The following MACROD2 variants were observed in gnomAD, a reference collection of about 807,000 sequenced individuals.
MACROD2 encodes ADP-ribose glycohydrolase MACROD2.
In MACROD2, 36 loss-of-function variants were observed where a neutral mutation model predicts 70.4. The ratio of observed to expected loss-of-function variants is 0.51; its 90% CI spans 0.39 to 0.68. The LOEUF is 0.68. Ranked by LOEUF, MACROD2 falls within the 30% of genes least tolerant of loss-of-function variation. The pLI, the probability that MACROD2 is intolerant of heterozygous loss-of-function variation, is 0.00. For missense variants in MACROD2, 496 were observed against 538.4 expected (o/e 0.92, Z 0.78); for synonymous variants, 172 against 178.8 (o/e 0.96, Z 0.30).
At chr20:15,117,944 TTTTG>T (rs1163551008) in intron 5 of MACROD2, among the ~76,000 whole-genome samples, 3 of 152,094 alleles carry the variant, frequency 2.0e-5, no homozygotes, top group Non-Finnish European at 2.9e-5. Context: ...AGTCAATGTT[TTTTG>T]TTTGTTTGTT....
At chr20:14,866,211 T>C (rs978703061) in intron 5 of MACROD2, among the ~76,000 whole-genome samples, 1 of 152,170 alleles carries the variant, frequency 6.6e-6, no homozygotes, top group Non-Finnish European at 1.5e-5. Context: ...TAAGTTATCC[T>C]TCCACAAGGT....
chr20:15,331,902 T>A (rs748177911), intron 6 of MACROD2, among the ~76,000 whole-genome samples: 1 of 151,616 alleles, frequency 6.6e-6, no homozygotes, highest in South Asian at 2.1e-4. Flanking sequence ...CTATACATAA[T>A]TTTTTAAAAT....
intron 2 of MACROD2, among the ~76,000 whole-genome samples, chr20:14,075,865 G>C (rs182260857): frequency 6.6e-6 from 1 of 152,272 alleles, no homozygotes; most frequent in African/African-American, 2.4e-5. Flanking sequence ...ATTTTATCCA[G>C]TCAGATGGGC....
chr20:14,796,152 C>T (rs2072507590), intron 5 of MACROD2, among the ~76,000 whole-genome samples: 1 of 152,116 alleles, frequency 6.6e-6, no homozygotes, highest in African/African-American at 2.4e-5. Flanking sequence ...TGACTTATCA[C>T]ATTTTCAATT....
At chr20:14,852,839 G>A (rs2073213292) in intron 5 of MACROD2, among the ~76,000 whole-genome samples, 1 of 152,102 alleles carries the variant, frequency 6.6e-6, no homozygotes, top group African/African-American at 2.4e-5. Flanking sequence ...GGTTAATTCT[G>A]TTTTATTCTG....
chr20:14,383,420 A>G (rs2083442625), intron 3 of MACROD2, among the ~76,000 whole-genome samples: 2 of 152,218 alleles, frequency 1.3e-5, no homozygotes, highest in Admixed American at 6.5e-5. Flanking sequence ...TGTGAATAAA[A>G]TGATAATGTA....
At position 14,441,564 on chromosome 20, in the gene MACROD2, A is replaced by G. The variant is rs372044296; in HGVS notation, c.272-51915A>G. On this transcript the variant is annotated intron_variant, in intron 3 of 17. Coordinates refer to ENST00000684519, the MANE Select transcript of MACROD2 (RefSeq NM_001351661.2). Reference sequence around the variant, plus strand: ...ACCGTTTTCTCTCAGCTTCCAATAAAGATGCTTCCAGTGATATGGCATTGA... The same window carrying G: ...ACCGTTTTCTCTCAGCTTCCAATAAGGATGCTTCCAGTGATATGGCATTGA... Among the ~76,000 whole-genome samples the G allele has an allele frequency of 3.9e-5, 6 of 152,240 alleles. No individual in the cohort carries two copies. In the East Asian group the frequency reaches 9.6e-4, roughly 24 times the overall value.
chr20:15,015,478 T>G (rs535297406), intron 5 of MACROD2, among the ~76,000 whole-genome samples: 60 of 152,014 alleles, frequency 3.9e-4, no homozygotes, highest in African/African-American at 1.4e-3. Flanking sequence ...TATGTGTGTT[T>G]TTTTTTTTTT....
intron 3 of MACROD2, among the ~76,000 whole-genome samples, chr20:14,347,043 GAGA>G (rs2083071487): frequency 1.3e-5 from 2 of 152,172 alleles, no homozygotes; most frequent in African/African-American, 4.8e-5. Context: ...GTCTGTGGGT[GAGA>G]AGGTCAGCAA....
chr20:15,840,325 G>C (rs2064156819), intron 8 of MACROD2, among the ~76,000 whole-genome samples: 2 of 152,144 alleles, frequency 1.3e-5, no homozygotes, highest in Non-Finnish European at 1.5e-5. Context: ...TGGTGAGCTG[G>C]TCAGAAATTA....
chr20:14,319,050 C>T (rs117926798), intron 3 of MACROD2, among the ~76,000 whole-genome samples: 4 of 152,290 alleles, frequency 2.6e-5, no homozygotes, highest in Non-Finnish European at 4.4e-5. Context: ...TTTCTCCAAA[C>T]ATGAAAGATG....
chr20:14,965,678 C>T (rs1405779053), intron 5 of MACROD2, among the ~76,000 whole-genome samples: 3 of 151,158 alleles, frequency 2.0e-5, no homozygotes, highest in Admixed American at 1.3e-4. Flanking sequence ...CTGTGTTAGC[C>T]AGGATGGTCT....
chr20:15,947,267 T>G (rs1224361040), intron 12 of MACROD2, among the ~76,000 whole-genome samples: 1 of 152,100 alleles, frequency 6.6e-6, no homozygotes, highest in Non-Finnish European at 1.5e-5. Flanking sequence ...TGGGGGATGG[T>G]CAGGTCTTTC....
intron 6 of MACROD2, among the ~76,000 whole-genome samples, chr20:15,317,218 A>C (rs912278664): frequency 1.3e-5 from 2 of 152,118 alleles, no homozygotes; most frequent in Non-Finnish European, 2.9e-5. Context: ...AGCAGAGATA[A>C]ATGAAATAGA....
At chr20:14,035,078 AT>A (rs2048399720) in intron 2 of MACROD2, among the ~76,000 whole-genome samples, 1 of 152,072 alleles carries the variant, frequency 6.6e-6, no homozygotes, top group South Asian at 2.1e-4. Context: ...GTAAGTGTTG[AT>A]TTTCAAATAC....
chr20:14,801,742 A>G (rs2072578496), intron 5 of MACROD2, among the ~76,000 whole-genome samples: 1 of 152,064 alleles, frequency 6.6e-6, no homozygotes, highest in Non-Finnish European at 1.5e-5. Context: ...ACTGAACTTG[A>G]TGATCTCTAA....
intron 8 of MACROD2, among the ~76,000 whole-genome samples, chr20:15,789,871 C>G (rs1028822466): frequency 6.6e-6 from 1 of 151,814 alleles, no homozygotes; most frequent in South Asian, 2.1e-4. Context: ...TTTGAGGAAC[C>G]AAGTGTTAAC....
intron 5 of MACROD2, among the ~76,000 whole-genome samples, chr20:15,017,875 A>T (rs1003881780): frequency 1.3e-5 from 2 of 152,216 alleles, no homozygotes; most frequent in Non-Finnish European, 2.9e-5. Flanking sequence ...GGGTGCACAC[A>T]GCATGGGGAC....
intron 3 of MACROD2, among the ~76,000 whole-genome samples, chr20:14,259,156 T>G (rs977004869): frequency 6.6e-6 from 1 of 152,198 alleles, no homozygotes; most frequent in South Asian, 2.1e-4. Flanking sequence ...TTGGCCAGGC[T>G]GATCTTGAAC....
Sources: allele counts gnomAD v4.1 joint callset (sites outside exome capture counted in the v4.1 genomes callset), GRCh38; gene constraint gnomAD v4.1.1; transcripts MANE v1.5; gene names NCBI Gene and HGNC (gene_info 2026-07-23, HGNC 2026-07-21).